AFG1L: variants seen among roughly 807,000 people sequenced by gnomAD.
The protein encoded by AFG1L is AFG1-like ATPase.
In AFG1L, 53 loss-of-function variants were observed where a neutral mutation model predicts 62.2. The ratio of observed to expected loss-of-function variants is 0.85; its 90% CI spans 0.68 to 1.07. The LOEUF is 1.07. AFG1L is among the 50% of genes least tolerant of loss of function. The pLI is 0.00. For synonymous variants in AFG1L, 228 were observed against 210.3 expected (o/e 1.08, Z -0.73); for missense variants, 555 against 590.5 (o/e 0.94, Z 0.62).
intron 6 of AFG1L, among the ~76,000 whole-genome samples, chr6:108,391,036 G>C (rs1781034701): frequency 2.0e-5 from 3 of 152,168 alleles, no homozygotes; most frequent in Non-Finnish European, 4.4e-5. Context: ...CATTTGGGCT[G>C]GTTCCGTATT....
At chr6:108,416,502 G>T (rs936904212) in intron 7 of AFG1L, among the ~76,000 whole-genome samples, 9 of 152,064 alleles carry the variant, frequency 5.9e-5, no homozygotes, top group Admixed American at 1.3e-4. Flanking sequence ...CTATTCACAA[G>T]AGCAAAGACT....
chr6:108,401,862 A>G (rs746036103), intron 6 of AFG1L, 134 bp from the exon 7 acceptor site: 39 of 520,408 alleles, frequency 7.5e-5, no homozygotes, highest in East Asian at 1.5e-4. Context: ...AGAGAAATCA[A>G]TTTTGGTCTT....
rs545762286 is a variant in AFG1L at position 108,492,521 on chromosome 6, CT to C, written c.1062+15231del. On this transcript the variant is annotated intron_variant, in intron 10 of 12. Coordinates refer to ENST00000368977, the MANE Select transcript of AFG1L (RefSeq NM_145315.5). ...CATATTTCAGCCTTGGCCACATTCA[CT>C]TATTATGTTCTGTAGTCTGGACAAT... Among the ~76,000 whole-genome samples, 16 of 152,280 alleles carry C rather than the reference CT, an allele frequency of 1.1e-4. No homozygotes were observed. In the South Asian group the frequency reaches 3.3e-3, roughly 32 times the overall value.
At chr6:108,443,675 G>A (rs1232714750) in intron 7 of AFG1L, among the ~76,000 whole-genome samples, 1 of 152,098 alleles carries the variant, frequency 6.6e-6, no homozygotes, top group East Asian at 1.9e-4. Flanking sequence ...AGGAGTTCGA[G>A]ACCAGCTTGG....
chr6:108,295,710 A>G (rs1776744187), intron 1 of AFG1L: 1 of 152,980 alleles, frequency 6.5e-6, no homozygotes, highest in Non-Finnish European at 1.5e-5. Flanking sequence ...TTTTCAAGTC[A>G]CTAGGGGCTT....
At chr6:108,323,784 T>G (rs1433214114) in intron 1 of AFG1L, 41 bp from the exon 2 acceptor site, 1 of 1,440,420 alleles carries the variant, frequency 6.9e-7, no homozygotes. Context: ...ACTGTGAAAA[T>G]GTATTTAAGA....
intron 11 of AFG1L, among the ~76,000 whole-genome samples, chr6:108,516,619 C>T (rs1774905431): frequency 6.6e-6 from 1 of 152,164 alleles, no homozygotes; most frequent in Non-Finnish European, 1.5e-5. Context: ...TCTCACCACT[C>T]CTATTCAACA....
At chr6:108,413,043 T>C (rs1310911601) in intron 7 of AFG1L, among the ~76,000 whole-genome samples, 15 of 151,922 alleles carry the variant, frequency 9.9e-5, no homozygotes, top group Admixed American at 8.5e-4. Flanking sequence ...GAGACACACA[T>C]GGGCTCAAAA....
intron 6 of AFG1L, among the ~76,000 whole-genome samples, chr6:108,381,948 C>T (rs542017902): frequency 4.0e-5 from 6 of 151,076 alleles, no homozygotes; most frequent in Admixed American, 2.0e-4. Flanking sequence ...CTGACTGACC[C>T]TAGAACTGTA....
intron 3 of AFG1L, among the ~76,000 whole-genome samples, chr6:108,355,016 A>G (rs868168404): frequency 6.6e-6 from 1 of 152,148 alleles, no homozygotes; most frequent in South Asian, 2.1e-4. Flanking sequence ...AAGTGTTACA[A>G]TTGACAATTC....
chr6:108,505,344 G>A (rs1049009108), intron 10 of AFG1L, among the ~76,000 whole-genome samples: 3 of 151,944 alleles, frequency 2.0e-5, no homozygotes, highest in Admixed American at 6.6e-5. Context: ...CACTCGCCTC[G>A]GCCTCCCAAA....
rs191924775 is a variant in AFG1L, at chr6:108,350,413, C to T, written c.415+3374C>T. On this transcript the variant is annotated intron_variant, in intron 3 of 12. Coordinates refer to ENST00000368977, the MANE Select transcript of AFG1L (RefSeq NM_145315.5). The stretch of plus-strand genomic sequence containing the variant: ...TAGCACTCCCTTCCCACTTTTCATT[C>T]TTGCACTCTATTTGGGCTTTGTCCT... 2.0e-3 allele frequency among the ~76,000 whole-genome samples: 305 copies of T among 151,868 alleles called. 2 individuals are homozygous for T. The highest frequency in any genetic ancestry group is 2.5e-3 in the Non-Finnish European group (169 of 67,950).
At chr6:108,375,384 G>A (rs2114532150) in intron 6 of AFG1L, among the ~76,000 whole-genome samples, 1 of 152,224 alleles carries the variant, frequency 6.6e-6, no homozygotes, top group Admixed American at 6.5e-5. Flanking sequence ...GGTGAGAGTG[G>A]ACATCCTTTC....
Position 108,308,536 on chromosome 6 carries a change from T to G in AFG1L, c.139+13318T>G, listed in dbSNP as rs188605379. Among the ~76,000 whole-genome samples the G allele has an allele frequency of 6.6e-3, 1,007 of 151,964 alleles. 17 individuals are homozygous for G. The highest frequency in any genetic ancestry group is 0.043 in the South Asian group (209 of 4,808). On this transcript the variant is annotated intron_variant, in intron 1 of 12. Transcript: ENST00000368977. ...TATTTAATTTTAATTTTTTTAGAGA[T>G]GGGGTTTTGCTCTGTTGCCCAGGCC...
In AFG1L at chr6:108,295,133, G is replaced by A. The variant is rs753203508; in HGVS notation, c.54G>A (p.Pro18=). Residue 18 remains proline, a synonymous_variant, in exon 1 of 13, where the codon CCG becomes CCA. Transcript: ENST00000368977. The part of the protein sequence containing the change: ...LVTLRPLAQS[P]LRGRCVGCGA... Reference sequence around the variant, plus strand: ...CCCTGCGCCCCTTAGCACAGAGCCCGCTGAGAGGGAGATGTGTTGGGTGCG... The same window carrying A: ...CCCTGCGCCCCTTAGCACAGAGCCCACTGAGAGGGAGATGTGTTGGGTGCG... 1.2e-6 allele frequency: 2 copies of A among 1,611,028 alleles called. No individual in the cohort carries two copies. Among genetic ancestry groups the A allele is most frequent in the African/African-American group, 1.3e-5 (1 of 75,070 alleles).
intron 3 of AFG1L, 79 bp from the exon 4 acceptor site, chr6:108,355,575 C>T: frequency 2.9e-6 from 2 of 691,744 alleles, no homozygotes; most frequent in Non-Finnish European, 4.5e-6. Flanking sequence ...GTTTCATTAT[C>T]TCAAAGCTAA....
intron 10 of AFG1L, among the ~76,000 whole-genome samples, chr6:108,486,452 A>G (rs1415356090): frequency 6.6e-6 from 1 of 152,168 alleles, no homozygotes; most frequent in African/African-American, 2.4e-5. Context: ...TTTTATGGAA[A>G]AAAGTTTAGA....
chr6:108,484,478 T>C (rs2114833444), intron 10 of AFG1L, among the ~76,000 whole-genome samples: 1 of 152,192 alleles, frequency 6.6e-6, no homozygotes, highest in Non-Finnish European at 1.5e-5. Context: ...AACTAAAGAG[T>C]CATAGTCTTG....
chr6:108,316,250 G>T (rs1435118156), intron 1 of AFG1L, among the ~76,000 whole-genome samples: 2 of 147,412 alleles, frequency 1.4e-5, no homozygotes, highest in African/African-American at 4.9e-5. Flanking sequence ...GCGTAGTGGC[G>T]GGCGCCTGTA....
Sources: gnomAD v4.1 joint callset for allele counts (sites outside exome capture counted in the v4.1 genomes callset) on GRCh38, gnomAD v4.1.1 for gene constraint, MANE v1.5 for transcripts, NCBI Gene and HGNC (gene_info 2026-07-23, HGNC 2026-07-21) for gene names.